WNT2: variants seen among roughly 807,000 people sequenced by gnomAD.
The protein encoded by WNT2 is protein Wnt-2.
Under a neutral mutation model 36.9 loss-of-function variants are expected in WNT2, and 12 were observed. The observed-to-expected ratio is 0.33, with a 90% CI of 0.21 to 0.53. The LOEUF is 0.53. WNT2 is among the 20% of genes least tolerant of loss of function. The pLI is 0.95. For missense variants in WNT2, 379 were observed against 473.1 expected (o/e 0.80, Z 1.84); for synonymous variants, 163 against 174.6 (o/e 0.93, Z 0.52).
chr7:117,303,668 T>C (rs904193703), intron 3 of WNT2, among the ~76,000 whole-genome samples: 5 of 152,212 alleles, frequency 3.3e-5, no homozygotes, highest in Non-Finnish European at 7.3e-5. Flanking sequence ...TCTGTAACTA[T>C]AAGTAAATTT....
chr7:117,289,886 T>C (rs1429814292), intron 4 of WNT2, among the ~76,000 whole-genome samples: 2 of 152,010 alleles, frequency 1.3e-5, no homozygotes, highest in Admixed American at 6.5e-5. Flanking sequence ...CCTTGACACA[T>C]TTAAGAGGTC....
intron 4 of WNT2, among the ~76,000 whole-genome samples, chr7:117,290,688 C>G (rs991266965): frequency 6.6e-6 from 1 of 152,156 alleles, no homozygotes; most frequent in African/African-American, 2.4e-5. Context: ...ACCTAAACAC[C>G]ACCACTTTCC....
intron 3 of WNT2, among the ~76,000 whole-genome samples, chr7:117,307,232 C>T (rs922326977): frequency 3.9e-5 from 6 of 152,174 alleles, no homozygotes; most frequent in Admixed American, 1.3e-4. Context: ...AATACTGAGG[C>T]ATCACATTCT....
At chr7:117,279,040 C>A (rs766039705) in intron 4 of WNT2, among the ~76,000 whole-genome samples, 1 of 152,168 alleles carries the variant, frequency 6.6e-6, no homozygotes, top group Non-Finnish European at 1.5e-5. Flanking sequence ...TGTGTGAGGT[C>A]CCAGGCGAAG....
chr7:117,320,864 G>C (rs543929951), intron 1 of WNT2, 71 bp from the exon 2 acceptor site: 2 of 1,338,848 alleles, frequency 1.5e-6, no homozygotes, highest in South Asian at 2.5e-5. Flanking sequence ...GTTCCTGGGA[G>C]ACTAAGGAGT....
chr7:117,315,070 C>A lies in WNT2; in HGVS notation c.588+1G>T. The A allele has an allele frequency of 1.2e-6, 2 of 1,613,712 alleles. No individual in the cohort carries two copies. Among genetic ancestry groups the A allele is most frequent in the Non-Finnish European group, 8.5e-7 (1 of 1,179,748 alleles). On this transcript the variant is annotated splice_donor_variant, in intron 3 of 4. Coordinates refer to ENST00000265441, the MANE Select transcript of WNT2 (RefSeq NM_003391.3). LOFTEE classifies it high-confidence loss of function. The stretch of plus-strand genomic sequence containing the variant: ...AAATGAGCACCGTTGCATTTCCATA[C>A]CTTCCTGCCAGCTCTGTTGTTGTGA...
At position 117,297,659 on chromosome 7, in the gene WNT2, A is replaced by G. The variant is rs1405763771; in HGVS notation, c.806T>C (p.Val269Ala). The G allele has an allele frequency of 1.9e-6, 3 of 1,614,150 alleles. No homozygotes were observed. In the South Asian group the frequency reaches 3.3e-5, roughly 18 times the overall value. ...RFKKPTKNDL[V>A]YFENSPDYCI... ...GTAGTCTGGAGAATTCTCAAAATAC[A>G]CGAGGTCATTTTTCGTTGGCTTCTT... The change falls in exon 4 of 5, where the codon GTG (valine) becomes GCG (alanine). Residue 269 changes from valine to alanine, a missense_variant. By Grantham distance (64) the Val-to-Ala change is moderately conservative. Transcript: ENST00000265441.
chr7:117,287,902 C>T (rs182021516), intron 4 of WNT2, among the ~76,000 whole-genome samples: 1 of 151,952 alleles, frequency 6.6e-6, no homozygotes, highest in Non-Finnish European at 1.5e-5. Context: ...GCAGGAGAAT[C>T]GTTTGAACCC....
chr7:117,293,486 A>G (rs975304842), intron 4 of WNT2, among the ~76,000 whole-genome samples: 1 of 152,228 alleles, frequency 6.6e-6, no homozygotes, highest in African/African-American at 2.4e-5. Flanking sequence ...CAAAGAAAGA[A>G]GCAAAACCAA....
chr7:117,285,439 C>T (rs765825784), intron 4 of WNT2, among the ~76,000 whole-genome samples: 1 of 152,206 alleles, frequency 6.6e-6, no homozygotes, highest in Non-Finnish European at 1.5e-5. Flanking sequence ...CCAATAGCAT[C>T]AATTTGTATC....
At chr7:117,311,410 G>A (rs935721717) in intron 3 of WNT2, among the ~76,000 whole-genome samples, 8 of 152,080 alleles carry the variant, frequency 5.3e-5, no homozygotes, top group African/African-American at 1.4e-4. Context: ...GAACAGGAGC[G>A]GATGTGAACT....
At chr7:117,293,647 G>T (rs1794732728) in intron 4 of WNT2, among the ~76,000 whole-genome samples, 2 of 152,088 alleles carry the variant, frequency 1.3e-5, no homozygotes, top group Admixed American at 1.3e-4. Flanking sequence ...TTGTTTTGGA[G>T]CCTGGCTATC....
intron 4 of WNT2, among the ~76,000 whole-genome samples, chr7:117,294,893 C>T (rs954004042): frequency 2.0e-5 from 3 of 152,036 alleles, no homozygotes; most frequent in Non-Finnish European, 4.4e-5. Flanking sequence ...GAGTTTGAGA[C>T]CAGCCTGGCC....
intron 3 of WNT2, among the ~76,000 whole-genome samples, chr7:117,302,055 C>T (rs1030958909): frequency 3.9e-5 from 6 of 151,966 alleles, no homozygotes; most frequent in African/African-American, 1.5e-4. Context: ...CTCAGCCTCC[C>T]AAAGTGCTAG....
At chr7:117,299,571 C>T (rs1018578632) in intron 3 of WNT2, among the ~76,000 whole-genome samples, 14 of 151,012 alleles carry the variant, frequency 9.3e-5, no homozygotes, top group Non-Finnish European at 1.2e-4. Flanking sequence ...TAGCTCACTG[C>T]GGCCTTGAAC....
chr7:117,292,415 G>A (rs898390389), intron 4 of WNT2, among the ~76,000 whole-genome samples: 1 of 152,068 alleles, frequency 6.6e-6, no homozygotes, highest in African/African-American at 2.4e-5. Context: ...AAGTAACTTT[G>A]CGGAACCTCA....
intron 4 of WNT2, among the ~76,000 whole-genome samples, chr7:117,295,573 C>T (rs947947971): frequency 2.0e-5 from 3 of 152,216 alleles, no homozygotes; most frequent in Admixed American, 2.0e-4. Context: ...CTCAGGTACA[C>T]CAGCCTGCTT....
intron 3 of WNT2, among the ~76,000 whole-genome samples, chr7:117,304,523 C>T (rs1164545733): frequency 6.6e-6 from 1 of 151,582 alleles, no homozygotes; most frequent in Admixed American, 6.6e-5. Context: ...TGCAACTCCG[C>T]CTCCCAGGTT....
At chr7:117,288,421 G>A (rs1794626114) in intron 4 of WNT2, among the ~76,000 whole-genome samples, 1 of 151,962 alleles carries the variant, frequency 6.6e-6, no homozygotes, top group Non-Finnish European at 1.5e-5. Flanking sequence ...ATCACACAGG[G>A]CTCTTTCCCT....
Sources: gnomAD v4.1 joint callset for allele counts (sites outside exome capture counted in the v4.1 genomes callset) on GRCh38, gnomAD v4.1.1 for gene constraint, MANE v1.5 for transcripts, NCBI Gene and HGNC (gene_info 2026-07-23, HGNC 2026-07-21) for gene names.